PDE7B: variants seen among roughly 807,000 people sequenced by gnomAD.
PDE7B encodes phosphodiesterase 7B, also known as 3',5'-cyclic-AMP phosphodiesterase 7B.
Under a neutral mutation model 56.2 loss-of-function variants are expected in PDE7B, and 29 were observed. That is an observed-to-expected ratio of 0.52 (90% CI 0.38 to 0.70). The LOEUF (loss-of-function observed/expected upper bound fraction) is 0.70, where lower values mean the gene tolerates loss of function less well. PDE7B is among the 30% of genes least tolerant of loss of function. PDE7B has a pLI of 0.00. For synonymous variants in PDE7B, 197 were observed against 196.9 expected, an observed-to-expected ratio of 1.00 and a Z score of 0.00; for missense variants, 490 against 565.0, an observed-to-expected ratio of 0.87 and a Z score of 1.35.
At chr6:135,857,047 TCCC>T (rs1775046941) in intron 1 of PDE7B, among the ~76,000 whole-genome samples, 6 of 111,356 alleles carry the variant, frequency 5.4e-5, no homozygotes, top group African/African-American at 2.5e-4. Context: ...CCTCCCTCCC[TCCC>T]TCCCTTCCTT....
chr6:135,896,508 T>G (rs1473692501), intron 1 of PDE7B, among the ~76,000 whole-genome samples: 1 of 152,150 alleles, frequency 6.6e-6, no homozygotes, highest in African/African-American at 2.4e-5. Context: ...GCTTCAAAAC[T>G]TTGCTACCAT....
At chr6:135,955,279 G>T (rs1583793329) in intron 2 of PDE7B, among the ~76,000 whole-genome samples, 1 of 151,648 alleles carries the variant, frequency 6.6e-6, no homozygotes, top group African/African-American at 2.4e-5. Flanking sequence ...AGGTCTTACG[G>T]GAAGGGGAAG....
At chr6:135,867,679 C>T (rs1775290917) in intron 1 of PDE7B, among the ~76,000 whole-genome samples, 1 of 152,138 alleles carries the variant, frequency 6.6e-6, no homozygotes, top group South Asian at 2.1e-4. Context: ...AATATTATAC[C>T]TTACAGGTAA....
At chr6:136,027,491 T>A (rs1181961918) in intron 2 of PDE7B, among the ~76,000 whole-genome samples, 1 of 152,196 alleles carries the variant, frequency 6.6e-6, no homozygotes, top group Non-Finnish European at 1.5e-5. Flanking sequence ...CATGTTTTCC[T>A]AGCTATGAAC....
At chr6:135,908,994 A>T (rs1030391223) in intron 1 of PDE7B, among the ~76,000 whole-genome samples, 2 of 152,216 alleles carry the variant, frequency 1.3e-5, no homozygotes, top group African/African-American at 4.8e-5. Context: ...CATGATCAAG[A>T]TAAGTGGATT....
chr6:135,955,816 T>A (rs1048476654), intron 2 of PDE7B, among the ~76,000 whole-genome samples: 15 of 152,088 alleles, frequency 9.9e-5, no homozygotes, highest in African/African-American at 3.6e-4. Context: ...AACTCTACAA[T>A]GGGTTGAGTG....
chr6:136,118,399 G>A (rs1777874452), intron 3 of PDE7B, among the ~76,000 whole-genome samples: 1 of 152,180 alleles, frequency 6.6e-6, no homozygotes, highest in Non-Finnish European at 1.5e-5. Context: ...GAAGCAACAA[G>A]CCTGGCTCTG....
chr6:136,033,188 G>C (rs914071559), intron 2 of PDE7B, among the ~76,000 whole-genome samples: 9 of 152,204 alleles, frequency 5.9e-5, no homozygotes, highest in African/African-American at 2.2e-4. Context: ...GTATTCATCA[G>C]CAGGCAGGAG....
At chr6:136,148,466 A>AAGTCAGGCAGGCAGGCAGGC (rs1554282911) in intron 4 of PDE7B, among the ~76,000 whole-genome samples, 1 of 42,994 alleles carries the variant, frequency 2.3e-5, no homozygotes, top group Non-Finnish European at 4.3e-5. Context: ...GGAGGGAAGG[A>AAGTCAGGCAGGCAGGCAGGC]AGGAAGGCAG....
At chr6:135,985,532 C>A (rs2128204613) in intron 2 of PDE7B, among the ~76,000 whole-genome samples, 1 of 152,288 alleles carries the variant, frequency 6.6e-6, no homozygotes, top group East Asian at 1.9e-4. Context: ...GGAACAATTT[C>A]TTTGGACATA....
chr6:135,957,803 C>G (rs962213765), intron 2 of PDE7B, among the ~76,000 whole-genome samples: 3 of 152,070 alleles, frequency 2.0e-5, no homozygotes, highest in Non-Finnish European at 4.4e-5. Flanking sequence ...TATTTTTTGA[C>G]CTGTCTTGGC....
chr6:136,096,788 C>G (rs2128216693), intron 2 of PDE7B, among the ~76,000 whole-genome samples: 1 of 152,222 alleles, frequency 6.6e-6, no homozygotes, highest in East Asian at 1.9e-4. Flanking sequence ...ATTCAAGATC[C>G]ATTTAAGTAT....
chr6:135,899,000 G>A (rs566571484), intron 1 of PDE7B, among the ~76,000 whole-genome samples: 1 of 152,198 alleles, frequency 6.6e-6, no homozygotes, highest in East Asian at 1.9e-4. Context: ...GAATCATGGG[G>A]GTGGATTCCC....
chr6:136,190,114 C>A (rs1017077075), intron 12 of PDE7B, among the ~76,000 whole-genome samples: 6 of 152,054 alleles, frequency 3.9e-5, no homozygotes, highest in Admixed American at 3.9e-4. Context: ...TTTTAGATAT[C>A]TAATATCTCA....
intron 3 of PDE7B, among the ~76,000 whole-genome samples, chr6:136,120,976 G>GA (rs1355588710): frequency 6.6e-6 from 1 of 152,114 alleles, no homozygotes; most frequent in Non-Finnish European, 1.5e-5. Flanking sequence ...TGAAAAACAA[G>GA]AAAAATTATA....
intron 9 of PDE7B, among the ~76,000 whole-genome samples, chr6:136,174,930 A>G (rs1246630752): frequency 6.6e-6 from 1 of 152,190 alleles, no homozygotes. Flanking sequence ...AGAACTAAAA[A>G]CTAGAGCAAA....
Position 136,192,928 on chromosome 6 carries a change from A to G in PDE7B, c.*1088A>G, listed in dbSNP as rs775142845. The G allele has an allele frequency of 3.3e-5, 5 of 152,290 alleles. No individual in the cohort carries two copies. The highest frequency in any genetic ancestry group is 7.3e-5 in the Non-Finnish European group (5 of 68,050). 9.4% of individuals were successfully genotyped at this position (152,290 alleles called of 1,614,324 possible). Reference sequence around the variant, plus strand: ...CTAAGGTCACAAACCAAAACTGAATAAAGTCTTTGAGGAAACATTTTGGAA... The same window carrying G: ...CTAAGGTCACAAACCAAAACTGAATGAAGTCTTTGAGGAAACATTTTGGAA... On this transcript the variant is annotated 3_prime_UTR_variant, in exon 13 of 13. Transcript: ENST00000308191.
intron 2 of PDE7B, chr6:136,038,352 A>G (rs1009231607): frequency 1.5e-5 from 19 of 1,292,018 alleles, no homozygotes; most frequent in Non-Finnish European, 1.9e-5. Flanking sequence ...ACAGGCCCAG[A>G]AGGTGTGCTG....
intron 2 of PDE7B, among the ~76,000 whole-genome samples, chr6:135,956,679 C>T (rs1283526611): frequency 6.6e-6 from 1 of 152,018 alleles, no homozygotes; most frequent in Non-Finnish European, 1.5e-5. Flanking sequence ...ACTCAGGAGG[C>T]TGAGGTGGGA....
Sources: allele counts gnomAD v4.1 joint callset (sites outside exome capture counted in the v4.1 genomes callset), GRCh38; gene constraint gnomAD v4.1.1; transcripts MANE v1.5; gene names NCBI Gene and HGNC (gene_info 2026-07-23, HGNC 2026-07-21).